Variants in ZNF624 observed in about 807,000 individuals in gnomAD.
ZNF624 encodes the protein zinc finger protein 624.
ZNF624 carries 43 observed loss-of-function variants against 74.7 expected under a neutral mutation model. That is an observed-to-expected ratio of 0.58 (90% CI 0.45 to 0.74). The LOEUF is 0.74. Among genes scored for constraint, ZNF624 ranks in the 30% least tolerant of loss-of-function variants. The pLI, the probability that ZNF624 is intolerant of heterozygous loss-of-function variation, is 0.00. For synonymous variants in ZNF624, 331 were observed against 341.3 expected (o/e 0.97, Z 0.33); for missense variants, 820 against 1,030.0 (o/e 0.80, Z 2.79).
In ZNF624 at chr17:16,620,788, T is replaced by C. The variant is rs1365163714; in HGVS notation, c.*1500A>G. ...TACAGGTTCATTGCAAGGAAAAAATTAACTTAAAAACACAGAAAAGAAAGT... is the reference window on the plus strand; with the variant it reads ...TACAGGTTCATTGCAAGGAAAAAATCAACTTAAAAACACAGAAAAGAAAGT... On this transcript the variant is annotated 3_prime_UTR_variant, in exon 6 of 6. Coordinates refer to ENST00000311331, the MANE Select transcript of ZNF624 (RefSeq NM_020787.4). The C allele has an allele frequency of 6.6e-6, 1 of 152,076 alleles. No homozygotes were observed. Among genetic ancestry groups the C allele is most frequent in the Non-Finnish European group, 1.5e-5 (1 of 68,036 alleles). The allele number at this position is 152,076 out of a possible 1,614,324, so 9.4% of individuals were successfully genotyped here.
chr17:16,645,628 C>T (rs73275294), intron 3 of ZNF624, among the ~76,000 whole-genome samples: 13,265 of 145,202 alleles, frequency 0.091, 1,518 homozygotes, highest in African/African-American at 0.27. Context: ...TAAAGGACTA[C>T]GCTACAAAAA....
downstream of ZNF624, among the ~76,000 whole-genome samples, chr17:16,615,960 T>C (rs7213236): frequency 3.8e-3 from 162 of 43,192 alleles, 3 homozygotes; most frequent in African/African-American, 0.026. Context: ...CATATACATA[T>C]ATATATATAT....
intron 5 of ZNF624, among the ~76,000 whole-genome samples, chr17:16,628,854 A>G (rs1909136357): frequency 1.3e-5 from 2 of 152,184 alleles, no homozygotes; most frequent in Non-Finnish European, 2.9e-5. Flanking sequence ...ACTATATTAA[A>G]GTACACAGTA....
At chr17:16,618,185 A>T (rs1384339226), downstream of ZNF624, among the ~76,000 whole-genome samples, 1 of 152,062 alleles carries the variant, frequency 6.6e-6, no homozygotes, top group Non-Finnish European at 1.5e-5. Flanking sequence ...CTAAAAAAAA[A>T]ATACAAAAAA....
chr17:16,653,407 C>A (rs1210210221), intron 1 of ZNF624, among the ~76,000 whole-genome samples: 1 of 152,254 alleles, frequency 6.6e-6, no homozygotes, highest in Non-Finnish European at 1.5e-5. Context: ...AGGCGCGGGG[C>A]TGGGAAGACC....
chr17:16,632,947 T>C (rs1414721144), intron 5 of ZNF624, among the ~76,000 whole-genome samples: 1 of 152,238 alleles, frequency 6.6e-6, no homozygotes, highest in Non-Finnish European at 1.5e-5. Context: ...CTCTGCTGTA[T>C]CAGATCCTTT....
At chr17:16,615,547 A>G in the ZNF624 span, among the ~76,000 whole-genome samples, 2 of 152,194 alleles carry the variant, frequency 1.3e-5, no homozygotes, top group Non-Finnish European at 2.9e-5. Context: ...ATCAAACCAC[A>G]TAATTTAGAG....
chr17:16,648,522 G>C (rs1454245406), intron 2 of ZNF624, among the ~76,000 whole-genome samples: 7 of 152,174 alleles, frequency 4.6e-5, no homozygotes, highest in Non-Finnish European at 1.0e-4. Context: ...GTTATACCTG[G>C]TGATCAAGGG....
chr17:16,636,606 G>A (rs1282091264), intron 3 of ZNF624, among the ~76,000 whole-genome samples: 2 of 152,166 alleles, frequency 1.3e-5, no homozygotes, highest in Middle Eastern at 3.2e-3. Context: ...GGAGGCCAAG[G>A]CGGGCGGATC....
chr17:16,634,646 C>G lies in ZNF624; in HGVS notation c.264G>C (p.Arg88Ser). 6.2e-7 allele frequency: 1 copy of G among 1,613,328 alleles called. No homozygotes were observed. The highest frequency in any genetic ancestry group is 8.5e-7 in the Non-Finnish European group (1 of 1,179,524). The change falls in exon 4 of 6, where the codon AGG (arginine) becomes AGC (serine). Residue 88 changes from arginine (R) to serine (S), a missense_variant. Physicochemically the swap from Arg to Ser is moderately radical, Grantham distance 110 (BLOSUM62 -1). Coordinates refer to ENST00000311331, the MANE Select transcript of ZNF624 (RefSeq NM_020787.4). ...LHKDVMLENY[R>S]NLVSLGLAVS... ...TATCCTTACCCAGGGAGACCAGATT[C>G]CTGTAATTCTCTAGCATCACATCCT...
At chr17:16,629,636 A>C (rs943565044) in intron 5 of ZNF624, among the ~76,000 whole-genome samples, 2 of 152,168 alleles carry the variant, frequency 1.3e-5, no homozygotes, top group African/African-American at 4.8e-5. Context: ...GGGCAATCTC[A>C]GCTCATTGCA....
At chr17:16,617,708 C>T, downstream of ZNF624, 1 of 1,604,760 alleles carries the variant, frequency 6.2e-7, no homozygotes, top group East Asian at 2.2e-5. Context: ...CGCAGAGCTC[C>T]TCGCTGTTCA....
intron 1 of ZNF624, among the ~76,000 whole-genome samples, chr17:16,651,479 T>C (rs1569050136): frequency 6.6e-6 from 1 of 151,464 alleles, no homozygotes; most frequent in Non-Finnish European, 1.5e-5. Flanking sequence ...GTGACCTGTT[T>C]CATGACACTG....
chr17:16,629,185 G>A (rs1204631178), intron 5 of ZNF624, among the ~76,000 whole-genome samples: 10 of 123,704 alleles, frequency 8.1e-5, no homozygotes, highest in African/African-American at 3.1e-4. Context: ...GCGACAGAGC[G>A]AGACTCCATC....
chr17:16,645,629 G>T (rs1207077595), intron 3 of ZNF624, among the ~76,000 whole-genome samples: 1 of 141,228 alleles, frequency 7.1e-6, no homozygotes, highest in Non-Finnish European at 1.5e-5. Context: ...AAAGGACTAC[G>T]CTACAAAAAA....
chr17:16,653,717 G>A (rs913750182), intron 1 of ZNF624, 47 bp downstream of exon 1: 4 of 152,994 alleles, frequency 2.6e-5, no homozygotes, highest in African/African-American at 4.8e-5. Context: ...AAGCGCCAAG[G>A]GAGGGGCGGC....
At chr17:16,643,292 C>T (rs1017159675) in intron 3 of ZNF624, among the ~76,000 whole-genome samples, 3 of 152,056 alleles carry the variant, frequency 2.0e-5, no homozygotes, top group East Asian at 3.9e-4. Context: ...AACTGACAAA[C>T]GGATAAGTGA....
rs200525333 is a variant in ZNF624 at position 16,649,707 on chromosome 17, T to A, written c.38A>T (p.Lys13Ile). 37 of 1,614,028 alleles carry A rather than the reference T, an allele frequency of 2.3e-5. 1 individual carries two copies. In the Middle Eastern group the frequency reaches 6.6e-4, roughly 29 times the overall value. The change falls in exon 2 of 6, where the codon AAA becomes ATA. Residue 13 changes from lysine to isoleucine, a missense_variant. Physicochemically the swap from Lys to Ile is moderately radical, Grantham distance 102. Transcript: ENST00000311331. ...AGCAGCCATAATCTCTCCCTCTGGT[T>A]TCCCCTCTCTGGAAAGAGTGGAGTC... is the stretch of plus-strand genomic sequence containing the variant. ...LQDSTLSREGKPEGEIMAAVF... is the reference protein window; with the variant it reads ...LQDSTLSREGIPEGEIMAAVF...
At position 16,623,316 on chromosome 17, in the gene ZNF624, C is replaced by T; in HGVS notation, c.1570G>A (p.Gly524Arg). 6.2e-7 allele frequency: 1 copy of T among 1,613,674 alleles called. No homozygotes were observed. Among genetic ancestry groups the T allele is most frequent in the South Asian group, 1.1e-5 (1 of 91,046 alleles). Residue 524 changes from glycine to arginine, a missense_variant, in exon 6 of 6, where the codon GGA becomes AGA. By Grantham distance (125) the Gly-to-Arg change is moderately radical. Transcript: ENST00000311331. This position sits in a 1 kb window ranked among gnomAD's most constrained non-coding sequence, Gnocchi z 5.3. ...NFTEHQRIHT[G>R]EKPYKCNECG... ...TCATTACATTTATAGGGTTTTTCTC[C>T]TGTGTGAATTCGCTGATGTTCTGTG...
Sources: gnomAD v4.1 joint callset for allele counts (sites outside exome capture counted in the v4.1 genomes callset) on GRCh38, gnomAD v4.1.1 for gene constraint, Gnocchi (gnomAD v3.1) non-coding constraint, MANE v1.5 for transcripts, NCBI Gene and HGNC (gene_info 2026-07-23, HGNC 2026-07-21) for gene names.